SOX5: variants seen among roughly 807,000 people sequenced by gnomAD.
SOX5 encodes the protein SRY-box transcription factor 5.
Under a neutral mutation model 92.0 loss-of-function variants are expected in SOX5, and 9 were observed. That is an observed-to-expected ratio of 0.10 (90% CI 0.06 to 0.17). The LOEUF is 0.17. Among genes scored for constraint, SOX5 ranks in the 10% least tolerant of loss-of-function variants. The pLI is 1.00. For synonymous variants in SOX5, 344 were observed against 336.3 expected (o/e 1.02, Z -0.25); for missense variants, 642 against 944.5 (o/e 0.68, Z 4.20).
intron 4 of SOX5, among the ~76,000 whole-genome samples, chr12:24,075,576 T>C (rs73275440): frequency 0.086 from 13,157 of 152,162 alleles, 719 homozygotes; most frequent in African/African-American, 0.14. Flanking sequence ...CCAAAAGTTT[T>C]TCTACAAGAA....
chr12:24,523,888 C>G (rs1434503482), intron 1 of SOX5, among the ~76,000 whole-genome samples: 6 of 152,148 alleles, frequency 3.9e-5, no homozygotes, highest in African/African-American at 1.4e-4. Flanking sequence ...GTAAAATAGA[C>G]AAGTGGGACT....
At chr12:24,066,453 G>C (rs1940762686) in intron 4 of SOX5, among the ~76,000 whole-genome samples, 1 of 151,812 alleles carries the variant, frequency 6.6e-6, no homozygotes, top group African/African-American at 2.4e-5. Flanking sequence ...AATAAGTGTT[G>C]AAATAATGAG....
At position 24,086,987 on chromosome 12, in the gene SOX5, T is replaced by C. The variant is rs190605353; in HGVS notation, c.-2+126356A>G. ...GGGTTCTAAGATCATTAAACAAAAA[T>C]GGCATACACATATCGTGTTTTCACA... On this transcript the variant is annotated intron_variant, in intron 4 of 4. Coordinates refer to the SOX5 transcript ENST00000446891. Among the ~76,000 whole-genome samples, 363 of 152,222 alleles carry C rather than the reference T, an allele frequency of 2.4e-3. 2 individuals are homozygous for C. Among genetic ancestry groups the C allele is most frequent in the Non-Finnish European group, 4.2e-3 (282 of 67,940 alleles).
At chr12:23,776,500 T>C (rs955556814) in intron 3 of SOX5, among the ~76,000 whole-genome samples, 11 of 152,170 alleles carry the variant, frequency 7.2e-5, no homozygotes, top group African/African-American at 2.7e-4. Context: ...GTCACATTCC[T>C]TGAGATGTTG....
intron 1 of SOX5, among the ~76,000 whole-genome samples, chr12:24,408,982 AC>A (rs1963553249): frequency 6.6e-6 from 1 of 152,154 alleles, no homozygotes; most frequent in Non-Finnish European, 1.5e-5. Context: ...CTGGGTATAT[AC>A]CCCCAAAATA....
intron 4 of SOX5, among the ~76,000 whole-genome samples, chr12:24,144,394 T>C (rs1448583436): frequency 1.3e-5 from 2 of 152,152 alleles, no homozygotes; most frequent in African/African-American, 4.8e-5. Context: ...ACCACATGGA[T>C]GTTATAAGCT....
intron 4 of SOX5, among the ~76,000 whole-genome samples, chr12:24,088,805 T>C (rs1569538865): frequency 6.6e-6 from 1 of 152,034 alleles, no homozygotes; most frequent in Non-Finnish European, 1.5e-5. Context: ...TAACAGTGGA[T>C]TATGGCAGTA....
intron 7 of SOX5, among the ~76,000 whole-genome samples, chr12:23,660,156 A>C (rs2082845620): frequency 6.6e-6 from 1 of 152,208 alleles, no homozygotes; most frequent in African/African-American, 2.4e-5. Flanking sequence ...AAAGAGAGTG[A>C]GTGATGAAAT....
chr12:24,395,721 A>G (rs1351685625), intron 1 of SOX5, among the ~76,000 whole-genome samples: 1 of 152,246 alleles, frequency 6.6e-6, no homozygotes, highest in Admixed American at 6.5e-5. Flanking sequence ...CTAGAAATAA[A>G]TAACTTACAT....
intron 2 of SOX5, among the ~76,000 whole-genome samples, chr12:23,851,229 GAAAT>G (rs2096630263): frequency 6.6e-6 from 1 of 152,026 alleles, no homozygotes; most frequent in Non-Finnish European, 1.5e-5. Flanking sequence ...TCTTTAAAGA[GAAAT>G]AAATAGGGCA....
intron 1 of SOX5, among the ~76,000 whole-genome samples, chr12:24,441,512 CTTGCTTTTAG>C (rs1352881606): frequency 7.2e-5 from 11 of 152,222 alleles, no homozygotes; most frequent in Admixed American, 3.3e-4. Flanking sequence ...ATTATCGGAG[CTTGCTTTTAG>C]CACCTTTTAC....
intron 4 of SOX5, among the ~76,000 whole-genome samples, chr12:24,078,352 G>A (rs1001951970): frequency 1.3e-5 from 2 of 152,024 alleles, no homozygotes; most frequent in African/African-American, 2.4e-5. Flanking sequence ...CAGAAGATAC[G>A]ATGTTTGTTG....
intron 1 of SOX5, among the ~76,000 whole-genome samples, chr12:23,946,697 T>G (rs558016215): frequency 8.5e-5 from 13 of 152,092 alleles, no homozygotes; most frequent in African/African-American, 3.1e-4. Context: ...TAGACCATGT[T>G]GCCAGCTATG....
intron 6 of SOX5, among the ~76,000 whole-genome samples, chr12:23,724,747 CT>C (rs1293915196): frequency 6.6e-6 from 1 of 152,126 alleles, no homozygotes; most frequent in African/African-American, 2.4e-5. Flanking sequence ...AAGTAAAGGT[CT>C]AAATTATATG....
chr12:23,768,856 TTAAAAA>T (rs1418063484), intron 3 of SOX5, among the ~76,000 whole-genome samples: 3 of 152,094 alleles, frequency 2.0e-5, no homozygotes, highest in Non-Finnish European at 4.4e-5. Flanking sequence ...ATTTATGAGA[TTAAAAA>T]TAAAGTGTTT....
chr12:23,886,781 G>C (rs1049182790), intron 2 of SOX5, among the ~76,000 whole-genome samples: 1 of 152,076 alleles, frequency 6.6e-6, no homozygotes, highest in East Asian at 1.9e-4. Flanking sequence ...ATCAAAAACT[G>C]ACTGGAAATA....
intron 4 of SOX5, among the ~76,000 whole-genome samples, chr12:24,066,075 T>G (rs1410045247): frequency 1.3e-5 from 2 of 152,246 alleles, no homozygotes; most frequent in Non-Finnish European, 2.9e-5. Context: ...TTTCAATAAT[T>G]GTGCATTAAA....
intron 4 of SOX5, among the ~76,000 whole-genome samples, chr12:24,094,838 T>C (rs904187912): frequency 1.5e-4 from 23 of 152,120 alleles, no homozygotes; most frequent in African/African-American, 5.6e-4. Context: ...GCCCATAAGA[T>C]TAACTCAGTG....
At chr12:24,316,671 C>A (rs901974990) in intron 2 of SOX5, among the ~76,000 whole-genome samples, 6 of 152,128 alleles carry the variant, frequency 3.9e-5, no homozygotes, top group African/African-American at 9.6e-5. Flanking sequence ...TAGGACTGTG[C>A]CAACTATATT....
Sources: allele counts gnomAD v4.1 joint callset (sites outside exome capture counted in the v4.1 genomes callset), GRCh38; gene constraint gnomAD v4.1.1; transcripts MANE v1.5; gene names NCBI Gene and HGNC (gene_info 2026-07-23, HGNC 2026-07-21).